The following JRK variants were observed in gnomAD, a reference collection of about 807,000 sequenced individuals.
JRK encodes jerky protein homolog.
For missense variants in JRK, 720 were observed against 509.2 expected, an observed-to-expected ratio of 1.41 and a Z score of -3.98; for synonymous variants, 303 against 218.1, an observed-to-expected ratio of 1.39 and a Z score of -3.43.
chr8:142,669,307 T>C (rs1170340819), intron 1 of JRK, among the ~76,000 whole-genome samples: 2 of 151,170 alleles, frequency 1.3e-5, no homozygotes, highest in African/African-American at 4.9e-5. Flanking sequence ...AAGGAGAGTA[T>C]GGGACAGAGA....
intron 1 of JRK, among the ~76,000 whole-genome samples, chr8:142,667,432 GACACACACACACACACACACACACACAC>G (rs59385009): frequency 1.4e-5 from 2 of 146,838 alleles, no homozygotes; most frequent in South Asian, 2.2e-4. Context: ...CGGACACGGA[GACACACACACACACACACACACACACAC>G]ACACACACAC....
At chr8:142,644,340 T>C in the JRK span, among the ~76,000 whole-genome samples, 2 of 152,082 alleles carry the variant, frequency 1.3e-5, no homozygotes, top group African/African-American at 4.8e-5. Context: ...TTTAACATAA[T>C]AATTATAATT....
intron 1 of JRK, among the ~76,000 whole-genome samples, chr8:142,667,432 GACACACACACACACACACACACAC>G (rs59385009): frequency 5.4e-5 from 8 of 146,838 alleles, no homozygotes; most frequent in South Asian, 2.2e-4. Context: ...CGGACACGGA[GACACACACACACACACACACACAC>G]ACACACACAC....
At position 142,659,545 on chromosome 8, in the gene JRK, G is replaced by C. The variant is rs1359690924; in HGVS notation, c.*4807C>G. ...GTGGGCCTCCCACAATCTGCCCCTG[G>C]GTGCAGGGCCTTGAGCAGGGAGGCC... On this transcript the variant is annotated 3_prime_UTR_variant, in exon 2 of 2. Transcript: ENST00000612905. The C allele has an allele frequency of 2.0e-6, 2 of 985,568 alleles. No homozygotes were observed. The highest frequency in any genetic ancestry group is 1.7e-5 in the African/African-American group (1 of 57,246). 61.1% of individuals were successfully genotyped at this position (985,568 alleles called of 1,614,324 possible).
At chr8:142,648,507 G>C in the JRK span, among the ~76,000 whole-genome samples, 1 of 152,246 alleles carries the variant, frequency 6.6e-6, no homozygotes, top group Admixed American at 6.5e-5. Context: ...CATGGCTTCA[G>C]AGTGTGCAAG....
Position 142,661,124 on chromosome 8 carries a change from A to C in JRK, c.*3228T>G. 1 of 985,512 alleles carries C rather than the reference A, an allele frequency of 1.0e-6. No individual in the cohort carries two copies. Among genetic ancestry groups the C allele is most frequent in the South Asian group, 4.7e-5 (1 of 21,292 alleles). 61.0% of individuals were successfully genotyped at this position (985,512 alleles called of 1,614,324 possible). ...GCTGAGCACGAATGAAGCATATGGA[A>C]GTCACGCACAGACAGGCCCAGGGCA... is the stretch of plus-strand genomic sequence containing the variant. On this transcript the variant is annotated 3_prime_UTR_variant, in exon 2 of 2. Transcript: ENST00000612905.
Position 142,662,977 on chromosome 8 carries a change from C to T in JRK, c.*1375G>A. On this transcript the variant is annotated 3_prime_UTR_variant, in exon 2 of 2. Transcript: ENST00000612905. ...GAGTTCAAGACCAGCCTGGGCAACA[C>T]AGTGAGACCCTGTCTCTACAAAAAA... The T allele has an allele frequency of 1.6e-6, 1 of 614,806 alleles. No individual in the cohort carries two copies. Among genetic ancestry groups the T allele is most frequent in the Non-Finnish European group, 2.0e-6 (1 of 492,352 alleles). The allele number at this position is 614,806 out of a possible 1,614,324, so 38.1% of individuals were successfully genotyped here. A position where few individuals can be genotyped will look rare whatever the true frequency, so the allele number is the denominator to read the frequency against.
At position 142,664,761 on chromosome 8, in the gene JRK, C is replaced by A. The variant is rs782252872; in HGVS notation, c.1298G>T (p.Arg433Leu). The A allele has an allele frequency of 1.6e-5, 26 of 1,590,442 alleles. No homozygotes were observed. Among genetic ancestry groups the A allele is most frequent in the Non-Finnish European group, 2.1e-5 (25 of 1,169,312 alleles). The change falls in exon 2 of 2, where the codon CGC (arginine) becomes CTC (leucine). Residue 433 changes from arginine to leucine, a missense_variant. By Grantham distance (102) the Arg-to-Leu change is moderately radical. Transcript: ENST00000612905. ...KEGSSCPGQLRQRQAASWGVA... is the reference protein window; with the variant it reads ...KEGSSCPGQLLQRQAASWGVA... Reference sequence around the variant, plus strand: ...CCCCCAGCTGGCGGCCTGGCGCTGGCGAAGCTGGCCCGGGCAGGAGGAGCC... The same window carrying A: ...CCCCCAGCTGGCGGCCTGGCGCTGGAGAAGCTGGCCCGGGCAGGAGGAGCC...
chr8:142,650,820 G>T, the JRK span, among the ~76,000 whole-genome samples: 1 of 152,202 alleles, frequency 6.6e-6, no homozygotes, highest in South Asian at 2.1e-4. Flanking sequence ...AAAAACAAGG[G>T]TAGTCTCTGT....
Position 142,665,109 on chromosome 8 carries a change from G to C in JRK, c.950C>G (p.Thr317Ser). Residue 317 changes from threonine to serine, a missense_variant, in exon 2 of 2, where the codon ACC becomes AGC. By Grantham distance (58) the Thr-to-Ser change is moderately conservative (BLOSUM62 1). Transcript: ENST00000612905. ...EAELVSSNVF[T>S]IFLPASVASL... Reference sequence around the variant, plus strand: ...GGCCACGCTGGCAGGCAGGAAGATGGTGAAAACGTTACTGGACACCAGCTC... The same window carrying C: ...GGCCACGCTGGCAGGCAGGAAGATGCTGAAAACGTTACTGGACACCAGCTC... 1.4e-6 allele frequency: 1 copy of C among 717,990 alleles called. No homozygotes were observed. Among genetic ancestry groups the C allele is most frequent in the Non-Finnish European group, 2.6e-6 (1 of 385,112 alleles). The allele number at this position is 717,990 out of a possible 1,614,324, so 44.5% of individuals were successfully genotyped here. A position where few individuals can be genotyped will look rare whatever the true frequency, so the allele number is the denominator to read the frequency against.
the JRK span, among the ~76,000 whole-genome samples, chr8:142,647,443 C>G: frequency 6.6e-6 from 1 of 152,098 alleles, no homozygotes; most frequent in African/African-American, 2.4e-5. Context: ...ATGGGAGGAA[C>G]CTGGTGGGAG....
At position 142,666,399 on chromosome 8, in the gene JRK, G is replaced by A; in HGVS notation, c.-341C>T. The A allele has an allele frequency of 2.3e-6, 1 of 434,438 alleles. No individual in the cohort carries two copies. Among genetic ancestry groups the A allele is most frequent in the East Asian group, 5.3e-5 (1 of 18,818 alleles). 26.9% of individuals were successfully genotyped at this position (434,438 alleles called of 1,614,324 possible). On this transcript the variant is annotated 5_prime_UTR_variant, in exon 2 of 2. Transcript: ENST00000612905. ...GGCTGGAACTCCGGCCTTCTCTGTG[G>A]ATACTATGGCAGCGGCTCCCCTCAA...
In JRK at chr8:142,665,335, TGG is replaced by T. The variant is rs1554635628; in HGVS notation, c.722_723del (p.Pro241GlnfsTer14). 1.4e-6 allele frequency: 1 copy of T among 717,664 alleles called. No individual in the cohort carries two copies. The highest frequency in any genetic ancestry group is 2.0e-5 in the Admixed American group (1 of 50,024). 44.5% of individuals were successfully genotyped at this position (717,664 alleles called of 1,614,324 possible). Reference protein sequence around the residue: ...KPLAIGKCSGPRAFKGIQHLP... With the variant: ...KPLAIGKCSGXRAFKGIQHLP... ...AGGTGCTGGATGCCTTTGAAAGCCC[TGG>T]GACCGCTGCACTTCCCGATGGCCAA... On this transcript the variant is annotated frameshift_variant, in exon 2 of 2. Coordinates refer to ENST00000612905, the MANE Select transcript of JRK (RefSeq NM_003724.4). LOFTEE classifies it low-confidence loss of function (END_TRUNC).
downstream of JRK, among the ~76,000 whole-genome samples, chr8:142,652,922 C>T (rs587714904): frequency 3.3e-5 from 5 of 152,314 alleles, no homozygotes; most frequent in Middle Eastern, 3.4e-3. Context: ...TTTTACACCC[C>T]TCTGTGAAGG....
chr8:142,661,647 CAG>C lies in JRK; in HGVS notation c.*2703_*2704del. 1 of 985,454 alleles carries C rather than the reference CAG, an allele frequency of 1.0e-6. No individual in the cohort carries two copies. The highest frequency in any genetic ancestry group is 1.2e-6 in the Non-Finnish European group (1 of 829,970). The allele number at this position is 985,454 out of a possible 1,614,324, so 61.0% of individuals were successfully genotyped here. A position where few individuals can be genotyped will look rare whatever the true frequency, so the allele number is the denominator to read the frequency against. ...AAACGCGGAGGCATTTAAACAGGAC[CAG>C]AGACTTTCTCGCTCTGCTCTGGCAA... On this transcript the variant is annotated 3_prime_UTR_variant, in exon 2 of 2. Transcript: ENST00000612905.
chr8:142,651,679 CAG>C, the JRK span, among the ~76,000 whole-genome samples: 1 of 151,210 alleles, frequency 6.6e-6, no homozygotes, highest in African/African-American at 2.4e-5. Context: ...ACAACAAAAA[CAG>C]AAACAAACAA....
At chr8:142,668,375 A>G (rs1417644785) in intron 1 of JRK, among the ~76,000 whole-genome samples, 1 of 152,118 alleles carries the variant, frequency 6.6e-6, no homozygotes, top group South Asian at 2.1e-4. Context: ...TGGTCTGCAA[A>G]ATGTGGGCTG....
At position 142,664,282 on chromosome 8, in the gene JRK, G is replaced by A; in HGVS notation, c.*70C>T. ...CCCTCCTGCCTCAGGTGGGGTCGGG[G>A]CACAGGACCATGCCACTCCAGGGTG... On this transcript the variant is annotated 3_prime_UTR_variant, in exon 2 of 2. Transcript: ENST00000612905. 1.4e-6 allele frequency: 2 copies of A among 1,478,070 alleles called. No individual in the cohort carries two copies. Among genetic ancestry groups the A allele is most frequent in the South Asian group, 1.4e-5 (1 of 70,444 alleles). 91.6% of individuals were successfully genotyped at this position (1,478,070 alleles called of 1,614,324 possible).
the JRK span, among the ~76,000 whole-genome samples, chr8:142,647,268 T>A: frequency 2.6e-5 from 4 of 152,100 alleles, no homozygotes; most frequent in African/African-American, 9.7e-5. Flanking sequence ...CTTAAAATTT[T>A]TTTTCTTAAT....
Sources: allele counts gnomAD v4.1 joint callset (sites outside exome capture counted in the v4.1 genomes callset), GRCh38; gene constraint gnomAD v4.1.1; transcripts MANE v1.5; gene names NCBI Gene and HGNC (gene_info 2026-07-23, HGNC 2026-07-21).